The following LGSN variants were observed in gnomAD, a reference collection of about 807,000 sequenced individuals.
LGSN encodes lengsin.
In LGSN, 21 loss-of-function variants were observed where a neutral mutation model predicts 19.5. The observed-to-expected ratio is 1.07, with a 90% CI of 0.76 to 1.55. The LOEUF (loss-of-function observed/expected upper bound fraction) is 1.55. Ranked by LOEUF, LGSN falls within the 40% of genes most tolerant of loss-of-function variation. The pLI is 0.00. For missense variants in LGSN, 673 were observed against 608.5 expected, an observed-to-expected ratio of 1.11 and a Z score of -1.12; for synonymous variants, 257 against 215.6, an observed-to-expected ratio of 1.19 and a Z score of -1.68.
In LGSN at chr6:63,308,861, T is replaced by C. The variant is rs182117327; in HGVS notation, c.30+11053A>G. On this transcript the variant is annotated intron_variant, in intron 1 of 3. Transcript: ENST00000370657. ...CCTTCAGTTACCTTTAAGTGTGTTC[T>C]TCAAAGAAAAAAGAAAGAAAATGTG... is the stretch of plus-strand genomic sequence containing the variant. Among the ~76,000 whole-genome samples, 7 of 152,304 alleles carry C rather than the reference T, an allele frequency of 4.6e-5. No individual in the cohort carries two copies. In the East Asian group the frequency reaches 1.4e-3, roughly 29 times the overall value.
chr6:63,503,916 C>CA, the LGSN span, among the ~76,000 whole-genome samples: 2 of 151,364 alleles, frequency 1.3e-5, no homozygotes, highest in African/African-American at 4.9e-5. Flanking sequence ...GACCCTGTCT[C>CA]AAAAAAACCA....
At chr6:63,516,690 ATC>A in the LGSN span, among the ~76,000 whole-genome samples, 16 of 152,206 alleles carry the variant, frequency 1.1e-4, no homozygotes, top group Non-Finnish European at 1.6e-4. Context: ...GTGGAAAAAA[ATC>A]TCTTTTACAA....
the LGSN span, among the ~76,000 whole-genome samples, chr6:63,526,803 GTATATATATATATATATATA>G: frequency 9.9e-6 from 1 of 101,448 alleles, no homozygotes; most frequent in African/African-American, 4.4e-5. Flanking sequence ...TCTCAAAAAT[GTATATATATATATATATATA>G]TATATATATA....
the LGSN span, among the ~76,000 whole-genome samples, chr6:63,404,518 T>C: frequency 1.3e-5 from 2 of 152,132 alleles, no homozygotes; most frequent in African/African-American, 4.8e-5. Context: ...TTCTGGAGGC[T>C]GGTATATTCA....
At chr6:63,400,990 G>A in the LGSN span, among the ~76,000 whole-genome samples, 25 of 152,062 alleles carry the variant, frequency 1.6e-4, no homozygotes, top group Non-Finnish European at 3.5e-4. Context: ...GCAAGACTCT[G>A]TGTTTAAAAA....
the LGSN span, among the ~76,000 whole-genome samples, chr6:63,447,190 C>A: frequency 6.6e-6 from 1 of 152,194 alleles, no homozygotes; most frequent in Non-Finnish European, 1.5e-5. Context: ...TTAATGATAG[C>A]AGCCTTTCTG....
the LGSN span, among the ~76,000 whole-genome samples, chr6:63,547,476 C>T: frequency 6.7e-6 from 1 of 150,160 alleles, no homozygotes; most frequent in East Asian, 2.0e-4. Flanking sequence ...AGGCGTCTGC[C>T]ACCTCGCCCG....
At chr6:63,334,276 A>T in the LGSN span, among the ~76,000 whole-genome samples, 3 of 152,234 alleles carry the variant, frequency 2.0e-5, no homozygotes, top group Non-Finnish European at 4.4e-5. Flanking sequence ...GTTGCAAGAT[A>T]CAAAATTAAC....
the LGSN span, among the ~76,000 whole-genome samples, chr6:63,342,882 T>A: frequency 6.6e-6 from 1 of 152,232 alleles, no homozygotes; most frequent in African/African-American, 2.4e-5. Context: ...TTTCCTGCAG[T>A]GATGTCACAC....
At chr6:63,320,047 T>C, upstream of LGSN, 1 of 881,264 alleles carries the variant, frequency 1.1e-6, no homozygotes, top group Non-Finnish European at 1.9e-6. Flanking sequence ...AGATGATGAA[T>C]TCCATAGAGG....
chr6:63,500,044 C>T, the LGSN span, among the ~76,000 whole-genome samples: 1 of 152,130 alleles, frequency 6.6e-6, no homozygotes, highest in Non-Finnish European at 1.5e-5. Flanking sequence ...AGGCATATTC[C>T]TCAAGCTCAC....
the LGSN span, among the ~76,000 whole-genome samples, chr6:63,393,735 T>C: frequency 6.6e-6 from 1 of 152,212 alleles, no homozygotes. Flanking sequence ...GAGGCAGAGC[T>C]GTTTTACTTT....
chr6:63,478,003 A>G, the LGSN span, among the ~76,000 whole-genome samples: 1 of 150,544 alleles, frequency 6.6e-6, no homozygotes, highest in Non-Finnish European at 1.5e-5. Context: ...TCCTCCTCCT[A>G]CTTCTCATAT....
the LGSN span, among the ~76,000 whole-genome samples, chr6:63,542,024 T>G: frequency 1.0e-4 from 3 of 28,988 alleles, no homozygotes; most frequent in Non-Finnish European, 3.3e-4. Context: ...GAAACTGTGG[T>G]GTGTGTGTGT....
At position 63,280,863 on chromosome 6, in the gene LGSN, T is replaced by G. The variant is rs1326394697; in HGVS notation, c.688A>C (p.Thr230Pro). The change falls in exon 4 of 4, where the codon ACA becomes CCA. Residue 230 changes from threonine to proline, a missense_variant. Transcript: ENST00000370657. ...GGCTGATCATGGTTATTTAAAAATG[T>G]TAAAGCAGGAAAAGATATAATCTTT... ...NSKIISFPAL[T>P]FLNNHDQPFM... is the part of the protein sequence containing the mutation. The G allele has an allele frequency of 6.2e-7, 1 of 1,613,830 alleles. No homozygotes were observed. Among genetic ancestry groups the G allele is most frequent in the African/African-American group, 1.3e-5 (1 of 74,888 alleles).
chr6:63,433,107 A>C, the LGSN span, among the ~76,000 whole-genome samples: 1 of 151,952 alleles, frequency 6.6e-6, no homozygotes, highest in Non-Finnish European at 1.5e-5. Flanking sequence ...GTAAAATCCA[A>C]ACACCCCCAT....
the LGSN span, among the ~76,000 whole-genome samples, chr6:63,564,131 C>T: frequency 3.3e-5 from 5 of 152,020 alleles, no homozygotes; most frequent in South Asian, 2.1e-4. Flanking sequence ...AAAAATTAGC[C>T]GGGTGTGGTG....
chr6:63,276,317 G>C lies in LGSN; in HGVS notation c.*3704C>G, dbSNP rs962089580. ...TTGCCTTCAAATAATCATTTCAAGC[G>C]TTGTTGTTATTCACACACTGTAAAA... On this transcript the variant is annotated 3_prime_UTR_variant, in exon 4 of 4. Coordinates refer to ENST00000370657, the MANE Select transcript of LGSN (RefSeq NM_016571.3). 6.6e-6 allele frequency: 1 copy of C among 152,090 alleles called. No individual in the cohort carries two copies. The highest frequency in any genetic ancestry group is 2.4e-5 in the African/African-American group (1 of 41,404). The allele number at this position is 152,090 out of a possible 1,614,324, so 9.4% of individuals were successfully genotyped here.
chr6:63,442,040 G>A, the LGSN span, among the ~76,000 whole-genome samples: 2 of 152,138 alleles, frequency 1.3e-5, no homozygotes, highest in African/African-American at 4.8e-5. Context: ...GTGGGTTTGT[G>A]GTCTCACTGA....
Sources: allele counts gnomAD v4.1 joint callset (sites outside exome capture counted in the v4.1 genomes callset), GRCh38; gene constraint gnomAD v4.1.1; transcripts MANE v1.5; gene names NCBI Gene and HGNC (gene_info 2026-07-23, HGNC 2026-07-21).